The following PTPRF variants were observed in gnomAD, a reference collection of about 807,000 sequenced individuals.
PTPRF encodes protein tyrosine phosphatase receptor type F, also known as receptor-type tyrosine-protein phosphatase F.
Under a neutral mutation model 201.8 loss-of-function variants are expected in PTPRF, and 59 were observed. The observed-to-expected ratio is 0.29, with a 90% confidence interval of 0.24 to 0.36. PTPRF has a LOEUF of 0.36. PTPRF is among the 10% of genes least tolerant of loss of function. The pLI is 1.00. For synonymous variants in PTPRF, 1,088 were observed against 1,089.7 expected, an observed-to-expected ratio of 1.00 and a Z score of 0.03; for missense variants, 2,132 against 2,690.5, an observed-to-expected ratio of 0.79 and a Z score of 4.59.
In PTPRF at chr1:43,598,971, T is replaced by C. The variant is rs1653073013; in HGVS notation, c.2313+58T>C. 6 of 1,551,562 alleles carry C rather than the reference T, an allele frequency of 3.9e-6. No homozygotes were observed. In the African/African-American group the frequency reaches 6.8e-5, roughly 17 times the overall value. On this transcript the variant is annotated intron_variant, in intron 13 of 33. Transcript: ENST00000359947. ...TGAGCACAGACCAGCATGCACAAGCTCCCTTTTGGGGCCCAGATATGTCCC... is the reference window on the plus strand; with the variant it reads ...TGAGCACAGACCAGCATGCACAAGCCCCCTTTTGGGGCCCAGATATGTCCC...
chr1:43,531,486 G>A (rs1191456151), intron 1 of PTPRF, among the ~76,000 whole-genome samples: 1 of 139,032 alleles, frequency 7.2e-6, no homozygotes, highest in South Asian at 2.2e-4. Flanking sequence ...GCGCGGACGC[G>A]CTCCGGGGGC....
intron 7 of PTPRF, 77 bp downstream of exon 7, chr1:43,578,997 T>A: frequency 1.5e-6 from 2 of 1,375,402 alleles, no homozygotes; most frequent in Non-Finnish European, 2.1e-6. Context: ...CCCAGAGCCC[T>A]TGGTGCAGAC....
chr1:43,580,049 G>A (rs1433407795), intron 7 of PTPRF: 1 of 141,360 alleles, frequency 7.1e-6, no homozygotes, highest in African/African-American at 2.8e-5. Context: ...TGGTGAAAGA[G>A]CAAGACTCCA....
At chr1:43,524,109 C>G (rs552322036), upstream of PTPRF, among the ~76,000 whole-genome samples, 1 of 148,530 alleles carries the variant, frequency 6.7e-6, no homozygotes, top group South Asian at 2.2e-4. Flanking sequence ...GCCGGGAACT[C>G]AGGAATGGAA....
At chr1:43,555,889 G>T (rs1306180624) in intron 5 of PTPRF, among the ~76,000 whole-genome samples, 1 of 152,180 alleles carries the variant, frequency 6.6e-6, no homozygotes, top group African/African-American at 2.4e-5. Context: ...GCAGATGGAT[G>T]TGTTCACCTT....
At chr1:43,555,954 C>T (rs968289459) in intron 5 of PTPRF, among the ~76,000 whole-genome samples, 1 of 152,176 alleles carries the variant, frequency 6.6e-6, no homozygotes, top group African/African-American at 2.4e-5. Flanking sequence ...AGTCAAAGGG[C>T]ACATGCATTT....
At chr1:43,564,333 G>T (rs907356325) in intron 5 of PTPRF, among the ~76,000 whole-genome samples, 2 of 152,152 alleles carry the variant, frequency 1.3e-5, no homozygotes, top group African/African-American at 4.8e-5. Context: ...CTGTGGAGCG[G>T]CTGAAGGGCA....
chr1:43,581,124 C>G (rs1318844569), intron 7 of PTPRF, among the ~76,000 whole-genome samples: 4 of 152,230 alleles, frequency 2.6e-5, no homozygotes, highest in Non-Finnish European at 5.9e-5. Context: ...TATGTGCAGC[C>G]CCTTGGAGCA....
rs934252643 is a variant in PTPRF, at chr1:43,603,282, A to G, written c.2341-134A>G. On this transcript the variant is annotated intron_variant, in intron 14 of 33. Transcript: ENST00000359947. The surrounding 1 kb of genome is among the most constrained non-coding windows in gnomAD (Gnocchi z 5.8). Reference sequence around the variant, plus strand: ...CCTCTCCAGCAGAGGCCACCATTGTATAGCCCCACCTTCCACAACCCCTGG... The same window carrying G: ...CCTCTCCAGCAGAGGCCACCATTGTGTAGCCCCACCTTCCACAACCCCTGG... 1.3e-6 allele frequency: 1 copy of G among 765,490 alleles called. No homozygotes were observed. Among genetic ancestry groups the G allele is most frequent in the Admixed American group, 2.1e-5 (1 of 47,122 alleles). The allele number at this position is 765,490 out of a possible 1,614,324, so 47.4% of individuals were successfully genotyped here.
At chr1:43,592,015 C>T in intron 10 of PTPRF, 67 bp downstream of exon 10, 1 of 1,590,362 alleles carries the variant, frequency 6.3e-7, no homozygotes, top group Non-Finnish European at 8.6e-7. Flanking sequence ...TGGGCTTAAC[C>T]CAGGAGGGTA....
At chr1:43,584,349 ATAGCC>A (rs1323780392) in intron 7 of PTPRF, among the ~76,000 whole-genome samples, 29 of 152,238 alleles carry the variant, frequency 1.9e-4, no homozygotes, top group Non-Finnish European at 3.8e-4. Flanking sequence ...GAGGAGGGCT[ATAGCC>A]TAGGCTCAGA....
chr1:43,545,969 G>A (rs1326497133), intron 3 of PTPRF, among the ~76,000 whole-genome samples: 1 of 152,148 alleles, frequency 6.6e-6, no homozygotes, highest in African/African-American at 2.4e-5. Context: ...GCGGGGCACA[G>A]GGCAGATTTA....
intron 5 of PTPRF, among the ~76,000 whole-genome samples, chr1:43,567,661 C>T (rs1371848581): frequency 2.0e-5 from 3 of 152,164 alleles, no homozygotes; most frequent in East Asian, 1.9e-4. Context: ...TGTTGGGGCT[C>T]GTCCAACTCC....
chr1:43,611,304 C>G (rs1016925468), intron 22 of PTPRF, among the ~76,000 whole-genome samples: 1 of 152,158 alleles, frequency 6.6e-6, no homozygotes, highest in East Asian at 1.9e-4. Flanking sequence ...TGCAGAGAAG[C>G]CTCTTCGGGG....
upstream of PTPRF, among the ~76,000 whole-genome samples, chr1:43,529,312 C>T (rs192042632): frequency 1.3e-5 from 2 of 152,182 alleles, no homozygotes; most frequent in Non-Finnish European, 2.9e-5. Context: ...GGGGCGCACA[C>T]GCACTGTTTG....
upstream of PTPRF, among the ~76,000 whole-genome samples, chr1:43,524,134 C>T (rs1399374204): frequency 6.7e-6 from 1 of 150,022 alleles, no homozygotes; most frequent in East Asian, 2.0e-4. Flanking sequence ...AAATACCGTA[C>T]ATCCTCACTT....
At chr1:43,522,965 G>C (rs2153942210), upstream of PTPRF, among the ~76,000 whole-genome samples, 1 of 152,356 alleles carries the variant, frequency 6.6e-6, no homozygotes, top group East Asian at 1.9e-4. Context: ...GGGAGGGGCA[G>C]AGCAGATGTA....
chr1:43,577,293 A>T (rs2153995806), intron 6 of PTPRF, among the ~76,000 whole-genome samples: 1 of 152,224 alleles, frequency 6.6e-6, no homozygotes, highest in Non-Finnish European at 1.5e-5. Flanking sequence ...GTGTCCATCC[A>T]TCCCATCAGC....
chr1:43,567,773 T>C (rs745954032), intron 5 of PTPRF, among the ~76,000 whole-genome samples: 3 of 152,086 alleles, frequency 2.0e-5, no homozygotes, highest in Non-Finnish European at 4.4e-5. Flanking sequence ...GAGGATGCCA[T>C]GTGCCTTTAC....
Sources: gnomAD v4.1 joint callset for allele counts (sites outside exome capture counted in the v4.1 genomes callset) on GRCh38, gnomAD v4.1.1 for gene constraint, Gnocchi (gnomAD v3.1) non-coding constraint, MANE v1.5 for transcripts, NCBI Gene and HGNC (gene_info 2026-07-23, HGNC 2026-07-21) for gene names.